The following COL28A1 variants were observed in gnomAD, a reference collection of about 807,000 sequenced individuals.
COL28A1 encodes collagen alpha-1(XXVIII) chain.
COL28A1 carries 161 observed loss-of-function variants against 150.2 expected under a neutral mutation model. That is an observed-to-expected ratio of 1.07 (90% CI 0.94 to 1.22). COL28A1 has a LOEUF of 1.22. Ranked by LOEUF, COL28A1 falls within the 50% of genes most tolerant of loss-of-function variation. The pLI is 0.00. For synonymous variants in COL28A1, 552 were observed against 469.7 expected (o/e 1.18, Z -2.26); for missense variants, 1,617 against 1,388.3 (o/e 1.16, Z -2.62).
chr7:7,411,780 G>T (rs555988200), intron 27 of COL28A1, among the ~76,000 whole-genome samples: 1 of 152,154 alleles, frequency 6.6e-6, no homozygotes, highest in Non-Finnish European at 1.5e-5. Flanking sequence ...AAATAAGAAA[G>T]AAGATTATCA....
chr7:7,398,975 C>T (rs1009561433), intron 27 of COL28A1, among the ~76,000 whole-genome samples: 6 of 152,170 alleles, frequency 3.9e-5, no homozygotes, highest in Non-Finnish European at 7.3e-5. Flanking sequence ...TCATGTTATC[C>T]TTAGCAATCT....
chr7:7,370,020 C>T (rs1781134023), intron 33 of COL28A1, among the ~76,000 whole-genome samples: 1 of 152,070 alleles, frequency 6.6e-6, no homozygotes, highest in Admixed American at 6.5e-5. Context: ...CTAAAAAAGG[C>T]TCCCCCATTT....
chr7:7,394,509 C>G lies in COL28A1; in HGVS notation c.2137-12897G>C, dbSNP rs142619115. 2.6e-5 allele frequency among the ~76,000 whole-genome samples: 4 copies of G among 152,272 alleles called. No homozygotes were observed. In the East Asian group the frequency reaches 7.7e-4, roughly 29 times the overall value. On this transcript the variant is annotated intron_variant, in intron 27 of 34. Transcript: ENST00000399429. Reference sequence around the variant, plus strand: ...GGTTTATTTAACTTATTCTTAAATTCATTTGAAGATGTGTTGAAAGCTGTA... The same window carrying G: ...GGTTTATTTAACTTATTCTTAAATTGATTTGAAGATGTGTTGAAAGCTGTA...
At chr7:7,542,327 C>G in the COL28A1 span, among the ~76,000 whole-genome samples, 1 of 151,826 alleles carries the variant, frequency 6.6e-6, no homozygotes, top group Non-Finnish European at 1.5e-5. Flanking sequence ...GAGATCCCAT[C>G]TAAAAAAAGA....
At chr7:7,340,319 G>A in the COL28A1 span, among the ~76,000 whole-genome samples, 1 of 152,082 alleles carries the variant, frequency 6.6e-6, no homozygotes, top group African/African-American at 2.4e-5. Context: ...CAGTGTTCCT[G>A]GTGAAGTCAA....
chr7:7,487,338 G>A (rs911848748), intron 13 of COL28A1, among the ~76,000 whole-genome samples: 1 of 152,116 alleles, frequency 6.6e-6, no homozygotes, highest in Non-Finnish European at 1.5e-5. Context: ...ATTACTTTGG[G>A]AGGCAGAGGT....
intron 13 of COL28A1, among the ~76,000 whole-genome samples, chr7:7,478,695 A>G (rs1397367578): frequency 1.3e-5 from 2 of 152,260 alleles, no homozygotes; most frequent in Non-Finnish European, 2.9e-5. Context: ...CCCCGCGGAG[A>G]GGCAGCTAAG....
intron 33 of COL28A1, among the ~76,000 whole-genome samples, chr7:7,369,290 C>A (rs1251346927): frequency 6.6e-6 from 1 of 152,180 alleles, no homozygotes; most frequent in Non-Finnish European, 1.5e-5. Context: ...CAATATAGAT[C>A]AGGGTTGGCA....
chr7:7,428,510 G>T (rs1189223472), intron 25 of COL28A1, among the ~76,000 whole-genome samples: 5 of 152,226 alleles, frequency 3.3e-5, no homozygotes, highest in Non-Finnish European at 4.4e-5. Flanking sequence ...AGCTTTGGGG[G>T]TGAAAACACA....
At chr7:7,405,796 A>T (rs1368562212) in intron 27 of COL28A1, among the ~76,000 whole-genome samples, 1 of 152,200 alleles carries the variant, frequency 6.6e-6, no homozygotes, top group African/African-American at 2.4e-5. Context: ...ACAATATTGC[A>T]TAATGATTGG....
intron 22 of COL28A1, 65 bp downstream of exon 22, chr7:7,437,329 A>G: frequency 6.5e-7 from 1 of 1,547,660 alleles, no homozygotes; most frequent in Non-Finnish European, 8.7e-7. Flanking sequence ...CACTGGTATC[A>G]TGATTTTTTT....
chr7:7,421,987 C>A (rs890456451), intron 25 of COL28A1, among the ~76,000 whole-genome samples: 1 of 152,126 alleles, frequency 6.6e-6, no homozygotes, highest in African/African-American at 2.4e-5. Flanking sequence ...AACATGAAAA[C>A]CCTGTAGTAC....
Position 7,524,592 on chromosome 7 carries a change from T to C in COL28A1, c.682-343A>G, listed in dbSNP as rs530090050. ...AGTCATAATGACAAAGCTCTCACTT[T>C]TACATACAAAGACTGAGGCAGAATA... On this transcript the variant is annotated intron_variant, in intron 3 of 34. Coordinates refer to ENST00000399429, the MANE Select transcript of COL28A1 (RefSeq NM_001037763.3). Among the ~76,000 whole-genome samples the C allele has an allele frequency of 5.9e-5, 9 of 152,352 alleles. No individual in the cohort carries two copies. In the East Asian group the frequency reaches 9.6e-4, roughly 16 times the overall value.
rs79153740 is a variant in COL28A1 at position 7,488,517 on chromosome 7, T to C, written c.1164+872A>G. 5.3e-3 allele frequency among the ~76,000 whole-genome samples: 808 copies of C among 152,344 alleles called. 10 individuals carry two copies. Among genetic ancestry groups the C allele is most frequent in the African/African-American group, 0.019 (776 of 41,582 alleles). Reference sequence around the variant, plus strand: ...CTATTTTTCCCTAGGAGAATAATGATTACTTGAAAAGTTAACAAGCTTTAT... The same window carrying C: ...CTATTTTTCCCTAGGAGAATAATGACTACTTGAAAAGTTAACAAGCTTTAT... On this transcript the variant is annotated intron_variant, in intron 13 of 34. Transcript: ENST00000399429.
At chr7:7,465,574 C>T (rs113079187) in intron 15 of COL28A1, among the ~76,000 whole-genome samples, 3,050 of 137,252 alleles carry the variant, frequency 0.022, 126 homozygotes, top group African/African-American at 0.079. Context: ...ACAAAGCAGC[C>T]GAGAAGCTCG....
intron 27 of COL28A1, among the ~76,000 whole-genome samples, chr7:7,384,208 C>A (rs1199571596): frequency 6.6e-6 from 1 of 152,154 alleles, no homozygotes; most frequent in African/African-American, 2.4e-5. Flanking sequence ...TTGAGCCAAA[C>A]CCAGTGCAGT....
intron 25 of COL28A1, chr7:7,431,588 T>C (rs895055473): frequency 4.2e-6 from 2 of 470,910 alleles, no homozygotes; most frequent in African/African-American, 4.0e-5. Context: ...CAGGGAGAAA[T>C]GACAGAAGCT....
At chr7:7,416,735 A>G (rs1193881563) in intron 27 of COL28A1, among the ~76,000 whole-genome samples, 2 of 152,226 alleles carry the variant, frequency 1.3e-5, no homozygotes, top group African/African-American at 4.8e-5. Flanking sequence ...TAGAAGCTCT[A>G]GACATTGTGT....
rs150646244 is a variant in COL28A1, at chr7:7,443,899, G to A, written c.1582-246C>T. ...AGTAATTTATCAGCCAATTTCCAAA[G>A]CAATAAGCTCATTTTCTTTTGGCTC... On this transcript the variant is annotated intron_variant, in intron 19 of 34. Coordinates refer to ENST00000399429, the MANE Select transcript of COL28A1 (RefSeq NM_001037763.3). 4.6e-5 allele frequency among the ~76,000 whole-genome samples: 7 copies of A among 150,776 alleles called. No homozygotes were observed. In the East Asian group the frequency reaches 1.4e-3, roughly 29 times the overall value.
Sources: allele counts gnomAD v4.1 joint callset (sites outside exome capture counted in the v4.1 genomes callset), GRCh38; gene constraint gnomAD v4.1.1; transcripts MANE v1.5; gene names NCBI Gene and HGNC (gene_info 2026-07-23, HGNC 2026-07-21).